The following RORA variants were observed in gnomAD, a reference collection of about 807,000 sequenced individuals.
RORA encodes the protein RAR related orphan receptor A.
RORA carries 7 observed loss-of-function variants against 69.5 expected under a neutral mutation model. The ratio of observed to expected loss-of-function variants is 0.10; its 90% confidence interval spans 0.06 to 0.19. The LOEUF is 0.19. RORA is among the 10% of genes least tolerant of loss of function. RORA has a pLI of 1.00. For missense variants in RORA, 457 were observed against 663.0 expected (o/e 0.69, Z 3.41); for synonymous variants, 261 against 240.8 (o/e 1.08, Z -0.78).
chr15:61,212,343 C>G (rs968282759), intron 1 of RORA, among the ~76,000 whole-genome samples: 2 of 152,060 alleles, frequency 1.3e-5, no homozygotes, highest in Non-Finnish European at 2.9e-5. Flanking sequence ...AAATGCAACC[C>G]GAAACAGCAA....
intron 1 of RORA, among the ~76,000 whole-genome samples, chr15:60,976,179 T>TGG (rs1294436825): frequency 6.6e-6 from 1 of 152,104 alleles, no homozygotes; most frequent in Non-Finnish European, 1.5e-5. Flanking sequence ...CCTGGCCAGG[T>TGG]GGAGACTTGA....
intron 1 of RORA, among the ~76,000 whole-genome samples, chr15:61,158,815 T>G (rs539358314): frequency 2.0e-5 from 3 of 152,172 alleles, no homozygotes; most frequent in Non-Finnish European, 2.9e-5. Context: ...GAGTGAGTCA[T>G]TCTGAAGCAC....
chr15:60,930,701 T>C (rs1253822208), intron 1 of RORA, among the ~76,000 whole-genome samples: 1 of 152,212 alleles, frequency 6.6e-6, no homozygotes, highest in African/African-American at 2.4e-5. Context: ...CAAGGTAGGT[T>C]TCCCACTGTC....
intron 3 of RORA, among the ~76,000 whole-genome samples, chr15:60,515,991 T>TTATATA (rs377667443): frequency 1.2e-4 from 1 of 8,132 alleles, no homozygotes; most frequent in Non-Finnish European, 2.4e-4. Context: ...TTATATATAT[T>TTATATA]TATATATATT....
chr15:60,741,317 G>A (rs78494447), intron 1 of RORA, among the ~76,000 whole-genome samples: 3,261 of 152,206 alleles, frequency 0.021, 131 homozygotes, highest in African/African-American at 0.074. Flanking sequence ...GGCTGCGTGC[G>A]CTCCCAGGCT....
At chr15:60,695,417 C>T (rs2070888835) in intron 1 of RORA, among the ~76,000 whole-genome samples, 1 of 151,974 alleles carries the variant, frequency 6.6e-6, no homozygotes, top group Non-Finnish European at 1.5e-5. Context: ...ATGCCAGGGA[C>T]CTCTTCTTGG....
intron 2 of RORA, among the ~76,000 whole-genome samples, chr15:60,639,146 TC>T (rs1252629052): frequency 6.6e-6 from 1 of 151,994 alleles, no homozygotes; most frequent in Non-Finnish European, 1.5e-5. Flanking sequence ...TGCAGTTTTT[TC>T]ACCACCCCCC....
intron 1 of RORA, among the ~76,000 whole-genome samples, chr15:60,755,132 C>A: frequency 8.5e-6 from 1 of 118,080 alleles, no homozygotes; most frequent in Non-Finnish European, 1.7e-5. Context: ...TATCCCTCCC[C>A]CCTCCCCCCA....
chr15:60,526,019 A>C (rs1206610719), intron 3 of RORA, among the ~76,000 whole-genome samples: 1 of 152,140 alleles, frequency 6.6e-6, no homozygotes, highest in Admixed American at 6.5e-5. Flanking sequence ...TATAAAATTA[A>C]AGTTGGGTGG....
intron 2 of RORA, among the ~76,000 whole-genome samples, chr15:60,615,390 C>T (rs2069211176): frequency 6.6e-6 from 1 of 152,210 alleles, no homozygotes. Context: ...CTCTAACCCT[C>T]ACCTTGCAAC....
intron 1 of RORA, among the ~76,000 whole-genome samples, chr15:60,881,312 A>G (rs1351344582): frequency 6.6e-6 from 1 of 152,096 alleles, no homozygotes; most frequent in Non-Finnish European, 1.5e-5. Flanking sequence ...CTAGAGAGAG[A>G]CCCTCATCAG....
At chr15:61,141,370 CAT>C (rs1436514836) in intron 1 of RORA, among the ~76,000 whole-genome samples, 2 of 152,110 alleles carry the variant, frequency 1.3e-5, no homozygotes, top group African/African-American at 2.4e-5. Flanking sequence ...AGCCAATACA[CAT>C]GTTATGTAAT....
At chr15:61,063,201 C>A (rs969712841) in intron 1 of RORA, among the ~76,000 whole-genome samples, 1 of 152,204 alleles carries the variant, frequency 6.6e-6, no homozygotes, top group Non-Finnish European at 1.5e-5. Flanking sequence ...GAACCCTTCA[C>A]GGCGTGGAGC....
chr15:60,774,725 C>T (rs538828681), intron 1 of RORA, among the ~76,000 whole-genome samples: 1 of 152,280 alleles, frequency 6.6e-6, no homozygotes, highest in Admixed American at 6.5e-5. Context: ...GGACAGAAGT[C>T]ATTTGCTGGT....
intron 1 of RORA, among the ~76,000 whole-genome samples, chr15:60,934,662 C>T (rs1892469676): frequency 6.6e-6 from 1 of 152,182 alleles, no homozygotes; most frequent in African/African-American, 2.4e-5. Flanking sequence ...ATTTGCATTT[C>T]TAACAAATTT....
intron 1 of RORA, among the ~76,000 whole-genome samples, chr15:60,956,721 T>TGTTAAGCTGTTA (rs1329640745): frequency 7.2e-5 from 11 of 152,264 alleles, no homozygotes; most frequent in African/African-American, 2.7e-4. Context: ...TCTTAAGGAC[T>TGTTAAGCTGTTA]CAATAAATAG....
chr15:60,765,040 T>C (rs1202188944), intron 1 of RORA: 1 of 151,982 alleles, frequency 6.6e-6, no homozygotes, highest in African/African-American at 2.4e-5. Flanking sequence ...AATCGGGAAG[T>C]TGGTGCCCAG....
At chr15:60,594,121 A>C (rs1460419560) in intron 2 of RORA, among the ~76,000 whole-genome samples, 7 of 152,256 alleles carry the variant, frequency 4.6e-5, no homozygotes, top group Admixed American at 2.6e-4. Context: ...TACAAAGAAA[A>C]GAAATTATAA....
At chr15:60,654,138 C>T (rs933582069) in intron 2 of RORA, among the ~76,000 whole-genome samples, 1 of 152,108 alleles carries the variant, frequency 6.6e-6, no homozygotes, top group East Asian at 1.9e-4. Context: ...AGCTTCTCAC[C>T]GGCTAAGGAC....
Sources: allele counts gnomAD v4.1 joint callset (sites outside exome capture counted in the v4.1 genomes callset), GRCh38; gene constraint gnomAD v4.1.1; transcripts MANE v1.5; gene names NCBI Gene and HGNC (gene_info 2026-07-23, HGNC 2026-07-21).